The following ITPR1 variants were observed in gnomAD, a reference collection of about 807,000 sequenced individuals.
ITPR1 encodes inositol 1,4,5-trisphosphate receptor type 1, also known as inositol 1,4,5-trisphosphate-gated calcium channel ITPR1.
Under a neutral mutation model 318.4 loss-of-function variants are expected in ITPR1, and 96 were observed. The ratio of observed to expected loss-of-function variants is 0.30; its 90% CI spans 0.26 to 0.36. The LOEUF (loss-of-function observed/expected upper bound fraction) is 0.36. Among genes scored for constraint, ITPR1 ranks in the 10% least tolerant of loss-of-function variants. The probability of loss-of-function intolerance (pLI) is 1.00; values close to 1 mark genes in which losing one functional copy is unlikely to be tolerated. For missense variants in ITPR1, 2,440 were observed against 3,460.2 expected, an observed-to-expected ratio of 0.71 and a Z score of 7.40; for synonymous variants, 1,312 against 1,289.9, an observed-to-expected ratio of 1.02 and a Z score of -0.37.
intron 4 of ITPR1, among the ~76,000 whole-genome samples, chr3:4,623,622 C>T (rs922596882): frequency 1.3e-5 from 2 of 152,142 alleles, no homozygotes; most frequent in Admixed American, 6.5e-5. Flanking sequence ...TGTTAGGGCC[C>T]AGTGCAAGTT....
In ITPR1 at chr3:4,782,678, C is replaced by T. The variant is rs202123078; in HGVS notation, c.6447C>T (p.Asn2149=). 126 of 1,603,232 alleles carry T rather than the reference C, an allele frequency of 7.9e-5. 1 individual carries two copies. In the African/African-American group the frequency reaches 1.1e-3, roughly 14 times the overall value. The change falls in exon 50 of 62, where the codon AAC becomes AAT. Residue 2149 remains asparagine (N), a synonymous_variant. Coordinates refer to ENST00000649015, the MANE Select transcript of ITPR1 (RefSeq NM_001378452.1). ...QGEVEFEDGE[N]GEDGAASPRN... ...AAGTGGAATTTGAGGATGGAGAAAA[C>T]GGTGAGGATGGGGCGGCGTCCCCCA...
At chr3:4,740,177 C>A (rs2043597421) in intron 44 of ITPR1, among the ~76,000 whole-genome samples, 1 of 152,152 alleles carries the variant, frequency 6.6e-6, no homozygotes, top group African/African-American at 2.4e-5. Flanking sequence ...TGGGGACTGG[C>A]TTCCTCACCA....
Position 4,794,679 on chromosome 3 carries a change from G to T in ITPR1, c.6809-386G>T, listed in dbSNP as rs181479286. Reference sequence around the variant, plus strand: ...TCTAAAAAGCTAATTGAATTTTTGGGTCTCTCCGGGCATCTCATCTGGTCC... The same window carrying T: ...TCTAAAAAGCTAATTGAATTTTTGGTTCTCTCCGGGCATCTCATCTGGTCC... On this transcript the variant is annotated intron_variant, in intron 52 of 61. Transcript: ENST00000649015. Among the ~76,000 whole-genome samples the T allele has an allele frequency of 1.2e-3, 183 of 152,238 alleles. 1 individual carries two copies. Among genetic ancestry groups the T allele is most frequent in the Non-Finnish European group, 2.0e-3 (136 of 68,024 alleles).
In ITPR1 at chr3:4,783,797, C is replaced by G. The variant is rs971928833; in HGVS notation, c.6511-19C>G. ...GTGAAGAGACACCAACCTCCTGTAT[C>G]TCTGTCCCTGTATTCTAGTTGGCTC... On this transcript the variant is annotated intron_variant, in intron 50 of 61. Transcript: ENST00000649015. 1 of 1,568,014 alleles carries G rather than the reference C, an allele frequency of 6.4e-7. No homozygotes were observed. The highest frequency in any genetic ancestry group is 1.4e-5 in the African/African-American group (1 of 74,064).
intron 4 of ITPR1, among the ~76,000 whole-genome samples, chr3:4,601,753 G>T (rs1406345495): frequency 6.6e-6 from 1 of 152,160 alleles, no homozygotes; most frequent in Non-Finnish European, 1.5e-5. Flanking sequence ...ATACTGTCTA[G>T]TGAAGAGACA....
chr3:4,686,541 A>T (rs1287690836), intron 30 of ITPR1, among the ~76,000 whole-genome samples: 1 of 152,228 alleles, frequency 6.6e-6, no homozygotes, highest in African/African-American at 2.4e-5. Flanking sequence ...AATGAGAGTT[A>T]TGCCTTCATA....
In ITPR1 at chr3:4,693,693, G is replaced by T. The variant is rs373572745; in HGVS notation, c.4233G>T (p.Pro1411=). The change falls in exon 33 of 62, where the codon CCG becomes CCT. Residue 1411 remains proline (P), a synonymous_variant. Coordinates refer to ENST00000649015, the MANE Select transcript of ITPR1 (RefSeq NM_001378452.1). ...YTEIKCNSLL[P]LDDIVRVVTH... is the part of the protein sequence containing the mutation. The stretch of plus-strand genomic sequence containing the variant: ...AGATCAAGTGCAACTCCCTGCTCCC[G>T]CTGGATGACATCGTTCGCGTGGTGA... The T allele has an allele frequency of 6.2e-7, 1 of 1,613,792 alleles. No individual in the cohort carries two copies. Among genetic ancestry groups the T allele is most frequent in the Non-Finnish European group, 8.5e-7 (1 of 1,179,890 alleles).
chr3:4,694,881 C>T (rs942905719), intron 33 of ITPR1, among the ~76,000 whole-genome samples: 8 of 152,126 alleles, frequency 5.3e-5, no homozygotes, highest in Non-Finnish European at 1.0e-4. Context: ...TTTCCCACCA[C>T]CCTACAGAAA....
Position 4,645,636 on chromosome 3 carries a change from G to C in ITPR1, c.763G>C (p.Glu255Gln). 1 of 1,613,220 alleles carries C rather than the reference G, an allele frequency of 6.2e-7. No homozygotes were observed. The highest frequency in any genetic ancestry group is 8.5e-7 in the Non-Finnish European group (1 of 1,179,588). ...AEQEKFLTCD[E>Q]HRKKQHVFLR... is the part of the protein sequence containing the mutation. ...GCAGGAGAAGTTTCTCACCTGTGAC[G>C]AACACAGGAAGAAGCAGCACGTCTT... is the stretch of plus-strand genomic sequence containing the variant. Residue 255 changes from glutamate to glutamine, a missense_variant, in exon 10 of 62, where the codon GAA (glutamate) becomes CAA (glutamine). Physicochemically the swap from Glu to Gln is conservative, Grantham distance 29. Around this residue, in one of 23 missense-constraint regions of ITPR1, gnomAD observed 186 missense variants for 323.9 expected, o/e 0.57. Transcript: ENST00000649015.
intron 39 of ITPR1, among the ~76,000 whole-genome samples, chr3:4,712,722 A>C (rs1297083119): frequency 3.3e-5 from 5 of 152,254 alleles, no homozygotes; most frequent in African/African-American, 1.2e-4. Context: ...TCACAAGTAT[A>C]AATGTCTGCA....
At chr3:4,823,299 ATTC>A (rs1247956898) in intron 60 of ITPR1, among the ~76,000 whole-genome samples, 2 of 152,360 alleles carry the variant, frequency 1.3e-5, no homozygotes, top group East Asian at 1.9e-4. Flanking sequence ...AGGAGACTAA[ATTC>A]TTCTTGAAAA....
intron 39 of ITPR1, among the ~76,000 whole-genome samples, chr3:4,716,776 G>A (rs778431161): frequency 1.8e-4 from 27 of 152,172 alleles, no homozygotes; most frequent in Non-Finnish European, 2.9e-4. Flanking sequence ...ACACGATGCT[G>A]ATAAATCCCA....
chr3:4,651,162 G>A (rs191962400), intron 10 of ITPR1, among the ~76,000 whole-genome samples: 4 of 152,112 alleles, frequency 2.6e-5, no homozygotes, highest in Admixed American at 6.5e-5. Context: ...CCCTGTGTGC[G>A]CTCTGGGAAA....
chr3:4,600,368 A>G (rs1365905134), intron 4 of ITPR1, among the ~76,000 whole-genome samples: 1 of 151,868 alleles, frequency 6.6e-6, no homozygotes, highest in African/African-American at 2.4e-5. Context: ...TTCTAAGGAG[A>G]TTCCGAGCCC....
At chr3:4,633,031 C>T (rs943308635) in intron 5 of ITPR1, among the ~76,000 whole-genome samples, 2 of 150,694 alleles carry the variant, frequency 1.3e-5, no homozygotes, top group Admixed American at 1.3e-4. Flanking sequence ...CTCCACCTCC[C>T]GGGTTCAAGC....
intron 4 of ITPR1, among the ~76,000 whole-genome samples, chr3:4,588,686 C>T (rs1022012665): frequency 6.6e-6 from 1 of 152,138 alleles, no homozygotes; most frequent in Non-Finnish European, 1.5e-5. Flanking sequence ...GCTAAATGTG[C>T]ATCTCCAACT....
At chr3:4,505,720 A>T (rs2081349461) in intron 2 of ITPR1, among the ~76,000 whole-genome samples, 1 of 152,134 alleles carries the variant, frequency 6.6e-6, no homozygotes, top group South Asian at 2.1e-4. Flanking sequence ...TGACGACTGG[A>T]GGATAGACGC....
chr3:4,817,524 T>A (rs1360340890), intron 59 of ITPR1: 1 of 152,220 alleles, frequency 6.6e-6, no homozygotes, highest in East Asian at 1.9e-4. Context: ...CAGCTCCCAT[T>A]ATCCGTGATA....
intron 46 of ITPR1, among the ~76,000 whole-genome samples, chr3:4,774,976 A>G (rs963434358): frequency 6.6e-6 from 1 of 152,190 alleles, no homozygotes; most frequent in Non-Finnish European, 1.5e-5. Context: ...TGAGGACTCA[A>G]AAAGATTATA....
Sources: gnomAD v4.1 joint callset for allele counts (sites outside exome capture counted in the v4.1 genomes callset) on GRCh38, gnomAD v4.1.1 for gene constraint, gnomAD v4.1.1 regional missense constraint, MANE v1.5 for transcripts, NCBI Gene and HGNC (gene_info 2026-07-23, HGNC 2026-07-21) for gene names.